Variants in EXOC6B observed in about 807,000 individuals in gnomAD.
EXOC6B encodes the protein SEC15 homolog B.
In EXOC6B, 54 loss-of-function variants were observed where a neutral mutation model predicts 113.5. That is an observed-to-expected ratio of 0.48 (90% CI 0.38 to 0.60). EXOC6B has a LOEUF of 0.60. Among genes scored for constraint, EXOC6B ranks in the 20% least tolerant of loss-of-function variants. EXOC6B has a pLI of 0.00. For synonymous variants in EXOC6B, 357 were observed against 339.0 expected, an observed-to-expected ratio of 1.05 and a Z score of -0.58; for missense variants, 797 against 977.5, an observed-to-expected ratio of 0.82 and a Z score of 2.46.
intron 20 of EXOC6B, among the ~76,000 whole-genome samples, chr2:72,230,035 G>C (rs1432830707): frequency 6.6e-6 from 1 of 152,060 alleles, no homozygotes; most frequent in Non-Finnish European, 1.5e-5. Context: ...TGAGTAAGGA[G>C]GGGGAGGAAT....
intron 20 of EXOC6B, among the ~76,000 whole-genome samples, chr2:72,196,518 T>C (rs946862385): frequency 6.6e-6 from 1 of 152,180 alleles, no homozygotes; most frequent in African/African-American, 2.4e-5. Flanking sequence ...GGCTAGAGAC[T>C]GAGTAAAATT....
At position 72,448,188 on chromosome 2, in the gene EXOC6B, CCT is replaced by C. The variant is rs137863995; in HGVS notation, c.1980+16970_1980+16971del. Among the ~76,000 whole-genome samples, 755 of 152,222 alleles carry C rather than the reference CCT, an allele frequency of 5.0e-3. 9 individuals carry two copies. The highest frequency in any genetic ancestry group is 0.017 in the African/African-American group (700 of 41,552). On this transcript the variant is annotated intron_variant, in intron 18 of 21. Coordinates refer to ENST00000272427, the MANE Select transcript of EXOC6B (RefSeq NM_015189.3). ...AAAGTTCCATGAATAATTTCATTCC[CCT>C]GTTTCTTTACATATACTATACCCTC...
At chr2:72,231,570 C>T (rs1681621006) in intron 20 of EXOC6B, among the ~76,000 whole-genome samples, 1 of 151,950 alleles carries the variant, frequency 6.6e-6, no homozygotes, top group African/African-American at 2.4e-5. Flanking sequence ...GGGAAAATGT[C>T]TTCCTTTAGT....
intron 20 of EXOC6B, among the ~76,000 whole-genome samples, chr2:72,285,057 T>C (rs555646845): frequency 2.0e-5 from 3 of 152,126 alleles, no homozygotes; most frequent in Non-Finnish European, 4.4e-5. Context: ...CAACTTGATC[T>C]ATAGATTCAA....
At chr2:72,709,079 T>C (rs13416510) in intron 6 of EXOC6B, among the ~76,000 whole-genome samples, 8,158 of 151,418 alleles carry the variant, frequency 0.054, 720 homozygotes, top group African/African-American at 0.19. Context: ...TACTTTAGGG[T>C]TATTTGCTAA....
chr2:72,478,049 A>G lies in EXOC6B; in HGVS notation c.1800+2567T>C, dbSNP rs1179125743. The stretch of plus-strand genomic sequence containing the variant: ...ACACTGTATTAAAACTTGTTCAATA[A>G]ATGAGAGATTGAATACATCTAATGT... On this transcript the variant is annotated intron_variant, in intron 17 of 21. Transcript: ENST00000272427. Among the ~76,000 whole-genome samples, 7 of 152,000 alleles carry G rather than the reference A, an allele frequency of 4.6e-5. 1 individual carries two copies. Among genetic ancestry groups the G allele is most frequent in the Admixed American group, 4.6e-4 (7 of 15,280 alleles).
intron 7 of EXOC6B, among the ~76,000 whole-genome samples, chr2:72,565,998 T>A (rs1363340858): frequency 6.6e-6 from 1 of 151,862 alleles, no homozygotes; most frequent in African/African-American, 2.4e-5. Flanking sequence ...AAAATAGTTC[T>A]CAGGTTTTGT....
chr2:72,430,492 CAAA>C (rs1380366447), intron 18 of EXOC6B, among the ~76,000 whole-genome samples: 1 of 151,974 alleles, frequency 6.6e-6, no homozygotes, highest in Non-Finnish European at 1.5e-5. Flanking sequence ...AATAAAAAAA[CAAA>C]AATTAGTCAG....
At chr2:72,542,508 GC>G (rs1389962239) in intron 8 of EXOC6B, among the ~76,000 whole-genome samples, 7 of 152,148 alleles carry the variant, frequency 4.6e-5, no homozygotes, top group Non-Finnish European at 1.0e-4. Flanking sequence ...TCCAAACTCA[GC>G]TTTTTCAAAC....
intron 8 of EXOC6B, among the ~76,000 whole-genome samples, chr2:72,549,084 G>A (rs576305135): frequency 8.5e-5 from 13 of 152,058 alleles, no homozygotes; most frequent in African/African-American, 3.1e-4. Flanking sequence ...TCAGGTAGAA[G>A]GGAAAGAATG....
At chr2:72,528,678 G>A (rs1170977698) in intron 8 of EXOC6B, among the ~76,000 whole-genome samples, 1 of 152,018 alleles carries the variant, frequency 6.6e-6, no homozygotes, top group Non-Finnish European at 1.5e-5. Flanking sequence ...AACACAGTAT[G>A]TCCCTCCATC....
intron 18 of EXOC6B, among the ~76,000 whole-genome samples, chr2:72,457,584 A>G (rs1355128075): frequency 6.6e-6 from 1 of 152,108 alleles, no homozygotes; most frequent in Non-Finnish European, 1.5e-5. Context: ...TCCTCTCTTA[A>G]GCATTTCTGA....
chr2:72,599,547 A>C (rs1670280450), intron 6 of EXOC6B, among the ~76,000 whole-genome samples: 1 of 152,184 alleles, frequency 6.6e-6, no homozygotes. Flanking sequence ...TGTCCTAGCT[A>C]ATGCAATAAA....
intron 6 of EXOC6B, among the ~76,000 whole-genome samples, chr2:72,658,190 T>G (rs965501837): frequency 1.4e-5 from 2 of 147,152 alleles, no homozygotes; most frequent in Non-Finnish European, 3.0e-5. Flanking sequence ...CAATCTACTC[T>G]GAATTAATTG....
intron 11 of EXOC6B, among the ~76,000 whole-genome samples, chr2:72,508,339 A>G (rs1014938402): frequency 6.6e-6 from 1 of 152,152 alleles, no homozygotes; most frequent in Non-Finnish European, 1.5e-5. Context: ...GCACAACCAA[A>G]TTATATCTCA....
At chr2:72,415,667 T>C (rs7608054) in intron 18 of EXOC6B, among the ~76,000 whole-genome samples, 32,117 of 151,948 alleles carry the variant, frequency 0.21, 6,444 homozygotes, top group African/African-American at 0.53. Context: ...ACACTGTTGA[T>C]GGAACACTGC....
chr2:72,492,034 G>T (rs771046131), intron 16 of EXOC6B, among the ~76,000 whole-genome samples: 1 of 151,010 alleles, frequency 6.6e-6, no homozygotes, highest in Admixed American at 6.6e-5. Context: ...AAATATTTGT[G>T]TATAATCAAT....
chr2:72,589,347 T>C (rs1705784783), intron 6 of EXOC6B, among the ~76,000 whole-genome samples: 1 of 152,002 alleles, frequency 6.6e-6, no homozygotes, highest in Admixed American at 6.6e-5. Context: ...CTTTAATAAT[T>C]AATACGCATA....
chr2:72,777,329 A>T (rs774270274), intron 1 of EXOC6B, among the ~76,000 whole-genome samples: 2 of 152,222 alleles, frequency 1.3e-5, no homozygotes, highest in Non-Finnish European at 2.9e-5. Context: ...CAATAAGATG[A>T]ACAGCAAATT....
Sources: gnomAD v4.1 joint callset for allele counts (sites outside exome capture counted in the v4.1 genomes callset) on GRCh38, gnomAD v4.1.1 for gene constraint, MANE v1.5 for transcripts, NCBI Gene and HGNC (gene_info 2026-07-23, HGNC 2026-07-21) for gene names.